CABCOCO1: variants seen among roughly 807,000 people sequenced by gnomAD.
CABCOCO1 encodes the protein ciliary-associated calcium-binding coiled-coil protein 1.
CABCOCO1 carries 28 observed loss-of-function variants against 35.7 expected under a neutral mutation model. The observed-to-expected ratio is 0.78, with a 90% CI of 0.58 to 1.07. The LOEUF (loss-of-function observed/expected upper bound fraction) is 1.07, where lower values mean the gene tolerates loss of function less well. Ranked by LOEUF, CABCOCO1 falls within the 50% of genes least tolerant of loss-of-function variation. The probability of loss-of-function intolerance (pLI) is 0.00; values close to 1 mark genes in which losing one functional copy is unlikely to be tolerated. For missense variants in CABCOCO1, 326 were observed against 309.2 expected (o/e 1.05, Z -0.41); for synonymous variants, 95 against 100.1 (o/e 0.95, Z 0.30).
At chr10:61,672,223 T>C (rs142489076) in intron 1 of CABCOCO1, among the ~76,000 whole-genome samples, 1 of 152,322 alleles carries the variant, frequency 6.6e-6, no homozygotes, top group East Asian at 1.9e-4. Flanking sequence ...GAATGCCGCA[T>C]GTATTATGGC....
At chr10:61,751,628 T>C (rs967739786) in intron 5 of CABCOCO1, among the ~76,000 whole-genome samples, 1 of 152,124 alleles carries the variant, frequency 6.6e-6, no homozygotes, top group Non-Finnish European at 1.5e-5. Flanking sequence ...CCAAATATTC[T>C]TCTACATCGT....
intron 5 of CABCOCO1, among the ~76,000 whole-genome samples, chr10:61,745,491 A>AACAGTTCTCT (rs1286143456): frequency 6.6e-6 from 1 of 152,172 alleles, no homozygotes; most frequent in Non-Finnish European, 1.5e-5. Flanking sequence ...GGACTCACCC[A>AACAGTTCTCT]ACAGTTCTCT....
chr10:61,753,392 C>A (rs1338651126), intron 5 of CABCOCO1, among the ~76,000 whole-genome samples: 1 of 151,964 alleles, frequency 6.6e-6, no homozygotes, highest in Non-Finnish European at 1.5e-5. Flanking sequence ...TATAATGGAA[C>A]CATACTTTTC....
At chr10:61,689,013 C>T (rs573485583) in intron 4 of CABCOCO1, among the ~76,000 whole-genome samples, 2 of 152,258 alleles carry the variant, frequency 1.3e-5, no homozygotes, top group South Asian at 4.1e-4. Context: ...GAATTTCCCT[C>T]TTGGCATGGG....
At chr10:61,703,440 T>C (rs956504224) in intron 5 of CABCOCO1, among the ~76,000 whole-genome samples, 1 of 152,064 alleles carries the variant, frequency 6.6e-6, no homozygotes. Flanking sequence ...ACCCAGTTAT[T>C]TTGCTTCATT....
chr10:61,690,695 A>G, intron 5 of CABCOCO1, 74 bp downstream of exon 5: 1 of 976,752 alleles, frequency 1.0e-6, no homozygotes, highest in Non-Finnish European at 1.6e-6. Context: ...TGGATCTTTA[A>G]CTGCTTAAAG....
intron 5 of CABCOCO1, among the ~76,000 whole-genome samples, chr10:61,740,825 C>T (rs1841533577): frequency 6.6e-6 from 1 of 152,056 alleles, no homozygotes; most frequent in African/African-American, 2.4e-5. Flanking sequence ...CATAACTCCC[C>T]AAAATTGAGG....
chr10:61,674,697 T>TA (rs906775514), intron 2 of CABCOCO1, among the ~76,000 whole-genome samples: 2 of 152,130 alleles, frequency 1.3e-5, no homozygotes, highest in African/African-American at 4.8e-5. Context: ...CCCTACCTCT[T>TA]AAAATTAAAA....
At chr10:61,727,584 T>G (rs940094854) in intron 5 of CABCOCO1, among the ~76,000 whole-genome samples, 1 of 152,156 alleles carries the variant, frequency 6.6e-6, no homozygotes, top group Admixed American at 6.5e-5. Context: ...GAAACTTGGT[T>G]AAGAAAAAAG....
intron 5 of CABCOCO1, among the ~76,000 whole-genome samples, chr10:61,750,498 C>T (rs945513321): frequency 6.6e-6 from 1 of 152,108 alleles, no homozygotes; most frequent in Non-Finnish European, 1.5e-5. Context: ...ATTGCTTGAA[C>T]CTGGGAGGCG....
At chr10:61,744,739 C>T (rs888811117) in intron 5 of CABCOCO1, among the ~76,000 whole-genome samples, 1 of 152,154 alleles carries the variant, frequency 6.6e-6, no homozygotes, top group Non-Finnish European at 1.5e-5. Context: ...AGCCCTGGTA[C>T]TTATTGCCCT....
intron 5 of CABCOCO1, among the ~76,000 whole-genome samples, chr10:61,731,534 TGTATTAAGATTAATACAGCA>T (rs890183628): frequency 9.9e-5 from 15 of 152,036 alleles, no homozygotes; most frequent in African/African-American, 3.4e-4. Context: ...CATTTTTTTT[TGTATTAAGATTAATACAGCA>T]GTTGCCCCTC....
intron 5 of CABCOCO1, among the ~76,000 whole-genome samples, chr10:61,727,461 C>T (rs1322821386): frequency 1.3e-5 from 2 of 152,008 alleles, no homozygotes; most frequent in African/African-American, 2.4e-5. Context: ...TCTGAAAGAG[C>T]TCTAGAGTTC....
chr10:61,675,007 G>T (rs929325325), intron 2 of CABCOCO1, among the ~76,000 whole-genome samples: 2 of 152,002 alleles, frequency 1.3e-5, no homozygotes, highest in African/African-American at 4.8e-5. Flanking sequence ...TTGCCTTGAG[G>T]TTTATTTCTG....
chr10:61,755,201 T>C (rs1485856459), intron 5 of CABCOCO1, among the ~76,000 whole-genome samples: 1 of 152,168 alleles, frequency 6.6e-6, no homozygotes, highest in Non-Finnish European at 1.5e-5. Flanking sequence ...ATGGCCTCAG[T>C]ATGACATTAC....
In CABCOCO1 at chr10:61,718,728, T is replaced by C. The variant is rs768538965; in HGVS notation, c.552+28107T>C. On this transcript the variant is annotated intron_variant, in intron 5 of 7. Transcript: ENST00000648843. The stretch of plus-strand genomic sequence containing the variant: ...AGCAATTAAGTTTAAAATAAAATAT[T>C]TACCAATTCATTATGAAAAGTCACC... Among the ~76,000 whole-genome samples the C allele has an allele frequency of 1.5e-3, 224 of 152,232 alleles. 3 individuals carry two copies. Among genetic ancestry groups the C allele is most frequent in the Middle Eastern group, 3.4e-3 (1 of 294 alleles).
intron 5 of CABCOCO1, among the ~76,000 whole-genome samples, chr10:61,725,766 AAAAT>A (rs559915718): frequency 1.4e-3 from 216 of 152,326 alleles, no homozygotes; most frequent in African/African-American, 4.9e-3. Flanking sequence ...AATAAAAAAT[AAAAT>A]AAATAAAAAA....
chr10:61,750,327 A>C (rs571772962), intron 5 of CABCOCO1, among the ~76,000 whole-genome samples: 1 of 152,350 alleles, frequency 6.6e-6, no homozygotes. Flanking sequence ...CTGTCATCCC[A>C]GCACTTTGGA....
At position 61,754,408 on chromosome 10, in the gene CABCOCO1, C is replaced by T. The variant is rs183250417; in HGVS notation, c.553-5651C>T. Among the ~76,000 whole-genome samples the T allele has an allele frequency of 2.0e-5, 3 of 152,204 alleles. No homozygotes were observed. The East Asian group carries it at 5.8e-4, about 29-fold the overall frequency. ...TTCCTTTTAAATTGCATTTACACTA[C>T]AAGAAGGTGCTCCTTTTCTGATTCA... On this transcript the variant is annotated intron_variant, in intron 5 of 7. Coordinates refer to ENST00000648843, the MANE Select transcript of CABCOCO1 (RefSeq NM_001366906.2).
Sources: gnomAD v4.1 joint callset for allele counts (sites outside exome capture counted in the v4.1 genomes callset) on GRCh38, gnomAD v4.1.1 for gene constraint, MANE v1.5 for transcripts, NCBI Gene and HGNC (gene_info 2026-07-23, HGNC 2026-07-21) for gene names.